The following SLC30A7 variants were observed in gnomAD, a reference collection of about 807,000 sequenced individuals.
SLC30A7 encodes zinc transporter 7.
A neutral mutation model predicts 46.0 loss-of-function variants in SLC30A7; 35 were observed. The observed-to-expected ratio is 0.76, with a 90% CI of 0.58 to 1.01. The LOEUF (loss-of-function observed/expected upper bound fraction) is 1.01. Among genes scored for constraint, SLC30A7 ranks in the 50% least tolerant of loss-of-function variants. The probability of loss-of-function intolerance (pLI) is 0.00; values close to 1 mark genes in which losing one functional copy is unlikely to be tolerated. For synonymous variants in SLC30A7, 147 were observed against 157.8 expected (o/e 0.93, Z 0.51); for missense variants, 464 against 451.1 (o/e 1.03, Z -0.26).
chr1:100,931,565 TCA>T (rs1283764732), intron 8 of SLC30A7, among the ~76,000 whole-genome samples: 3 of 152,208 alleles, frequency 2.0e-5, no homozygotes, highest in Non-Finnish European at 4.4e-5. Flanking sequence ...TTTTTACTGT[TCA>T]GTTACCAGAA....
At position 100,913,946 on chromosome 1, in the gene SLC30A7, G is replaced by T. The variant is rs559235998; in HGVS notation, c.655+140G>T. On this transcript the variant is annotated intron_variant, in intron 6 of 10. Transcript: ENST00000357650. The stretch of plus-strand genomic sequence containing the variant: ...TGAATCAGTCTAAATGGTTCCCAGG[G>T]CTAGTTTATTTTTTGTATAGCATGA... The T allele has an allele frequency of 2.8e-5, 35 of 1,254,944 alleles. 1 individual carries two copies. In the South Asian group the frequency reaches 5.3e-4, roughly 19 times the overall value. 77.7% of individuals were successfully genotyped at this position (1,254,944 alleles called of 1,614,324 possible). A position where few individuals can be genotyped will look rare whatever the true frequency, so the allele number is the denominator to read the frequency against.
chr1:100,990,710 C>A, the SLC30A7 span: 215 of 1,345,982 alleles, frequency 1.6e-4, no homozygotes, highest in Non-Finnish European at 2.1e-4. Context: ...ATTAGTACCA[C>A]AAGTACATTT....
At chr1:100,903,310 C>G (rs1369306111) in intron 2 of SLC30A7, among the ~76,000 whole-genome samples, 1 of 151,956 alleles carries the variant, frequency 6.6e-6, no homozygotes, top group Non-Finnish European at 1.5e-5. Context: ...TAGACAATGT[C>G]TTTATTAATG....
chr1:100,935,233 T>G (rs1653882014), intron 8 of SLC30A7, among the ~76,000 whole-genome samples: 1 of 152,222 alleles, frequency 6.6e-6, no homozygotes, highest in South Asian at 2.1e-4. Flanking sequence ...GAGAAAGTCT[T>G]GCTTCATTTT....
intron 8 of SLC30A7, among the ~76,000 whole-genome samples, chr1:100,940,570 AT>A (rs1654278629): frequency 6.6e-6 from 1 of 152,248 alleles, no homozygotes; most frequent in Admixed American, 6.5e-5. Context: ...ATGTAATTTA[AT>A]TAAGAGACTA....
At chr1:100,917,770 A>G (rs887767419) in intron 6 of SLC30A7, among the ~76,000 whole-genome samples, 1 of 152,190 alleles carries the variant, frequency 6.6e-6, no homozygotes. Flanking sequence ...TTCCAATTGT[A>G]AGAGTATTAA....
intron 10 of SLC30A7, among the ~76,000 whole-genome samples, chr1:100,971,687 C>G (rs1270210342): frequency 6.6e-6 from 1 of 152,120 alleles, no homozygotes; most frequent in African/African-American, 2.4e-5. Context: ...AACCCACACT[C>G]AAGTTACTGT....
chr1:100,974,054 C>A (rs567527353), intron 10 of SLC30A7, among the ~76,000 whole-genome samples: 2 of 152,166 alleles, frequency 1.3e-5, no homozygotes, highest in East Asian at 3.9e-4. Flanking sequence ...ATGGGGAGCC[C>A]AGAAGGGGAT....
At chr1:100,933,832 T>C (rs1019374746) in intron 8 of SLC30A7, among the ~76,000 whole-genome samples, 6 of 152,224 alleles carry the variant, frequency 3.9e-5, no homozygotes, top group Non-Finnish European at 8.8e-5. Flanking sequence ...GACCTTTGGG[T>C]TGGTTCCAAG....
At chr1:100,964,050 T>A (rs1262894107) in intron 9 of SLC30A7, among the ~76,000 whole-genome samples, 1 of 152,048 alleles carries the variant, frequency 6.6e-6, no homozygotes, top group Non-Finnish European at 1.5e-5. Context: ...TCTTTTTACT[T>A]CTGTTTTCTC....
chr1:100,925,657 G>A (rs1653246830), intron 8 of SLC30A7, among the ~76,000 whole-genome samples: 1 of 152,154 alleles, frequency 6.6e-6, no homozygotes, highest in African/African-American at 2.4e-5. Context: ...TTTAATCTGG[G>A]CAACTGAGTG....
intron 3 of SLC30A7, among the ~76,000 whole-genome samples, chr1:100,909,724 A>T (rs1053073254): frequency 2.6e-5 from 4 of 152,110 alleles, no homozygotes; most frequent in African/African-American, 9.7e-5. Flanking sequence ...TAGCACACCT[A>T]CTAAGCTAGG....
Position 100,979,305 on chromosome 1 carries a change from G to A in SLC30A7, c.*4448G>A, listed in dbSNP as rs935852962. The A allele has an allele frequency of 6.6e-6, 1 of 151,084 alleles. No homozygotes were observed. Among genetic ancestry groups the A allele is most frequent in the African/African-American group, 2.4e-5 (1 of 41,180 alleles). 9.4% of individuals were successfully genotyped at this position (151,084 alleles called of 1,614,324 possible). ...AACTTTGGTAAAAAAAAAAATAAAAGGAAATTATATGTTTTTCTTTGGACA... is the reference window on the plus strand; with the variant it reads ...AACTTTGGTAAAAAAAAAAATAAAAAGAAATTATATGTTTTTCTTTGGACA... On this transcript the variant is annotated 3_prime_UTR_variant, in exon 11 of 11. Coordinates refer to ENST00000357650, the MANE Select transcript of SLC30A7 (RefSeq NM_133496.5).
At position 100,965,553 on chromosome 1, in the gene SLC30A7, A is replaced by G. The variant is rs1335335331; in HGVS notation, c.934-216A>G. Among the ~76,000 whole-genome samples, 3 of 152,342 alleles carry G rather than the reference A, an allele frequency of 2.0e-5. No individual in the cohort carries two copies. The East Asian group carries it at 5.8e-4, about 29-fold the overall frequency. On this transcript the variant is annotated intron_variant, in intron 9 of 10. Coordinates refer to ENST00000357650, the MANE Select transcript of SLC30A7 (RefSeq NM_133496.5). The stretch of plus-strand genomic sequence containing the variant: ...TCTCAGGTGTGTCCTACAAATTTTG[A>G]TACATGTTTGTTTATATTTCCCAAA...
chr1:100,951,773 T>C (rs1428398767), intron 8 of SLC30A7, among the ~76,000 whole-genome samples: 1 of 152,150 alleles, frequency 6.6e-6, no homozygotes, highest in Non-Finnish European at 1.5e-5. Context: ...CTGGCTAGGG[T>C]AAGAAGAATG....
At chr1:100,958,526 C>T (rs1197482679) in intron 8 of SLC30A7, among the ~76,000 whole-genome samples, 4 of 152,146 alleles carry the variant, frequency 2.6e-5, no homozygotes, top group Admixed American at 2.0e-4. Flanking sequence ...TGTTTTTCTT[C>T]ATTGAGGCAT....
At chr1:100,899,589 A>G (rs566482312) in intron 2 of SLC30A7, among the ~76,000 whole-genome samples, 16 of 152,312 alleles carry the variant, frequency 1.1e-4, no homozygotes, top group African/African-American at 3.6e-4. Context: ...AGGCTGAGAC[A>G]CCAGCATCCC....
In SLC30A7 at chr1:100,921,792, A is replaced by G; in HGVS notation, c.793A>G (p.Ile265Val). 1 of 1,613,194 alleles carries G rather than the reference A, an allele frequency of 6.2e-7. No homozygotes were observed. Residue 265 changes from isoleucine (I) to valine (V), a missense_variant, in exon 8 of 11, where the codon ATA (isoleucine) becomes GTA (valine). Physicochemically the swap from Ile to Val is conservative, Grantham distance 29. Transcript: ENST00000357650. Reference protein sequence around the residue: ...AIMMQNFGLMIADPICSILIA... With the variant: ...AIMMQNFGLMVADPICSILIA... ...CATGATGCAAAATTTTGGTCTGATG[A>G]TAGCAGATCCTATCTGTTCAATTCT...
intron 2 of SLC30A7, among the ~76,000 whole-genome samples, chr1:100,903,119 A>C (rs1240736721): frequency 6.6e-6 from 1 of 152,146 alleles, no homozygotes; most frequent in Non-Finnish European, 1.5e-5. Flanking sequence ...GGAAAAAATT[A>C]ATCTATTAAA....
Sources: allele counts gnomAD v4.1 joint callset (sites outside exome capture counted in the v4.1 genomes callset), GRCh38; gene constraint gnomAD v4.1.1; transcripts MANE v1.5; gene names NCBI Gene and HGNC (gene_info 2026-07-23, HGNC 2026-07-21).